The following ADGRB3 variants were observed in gnomAD, a reference collection of about 807,000 sequenced individuals.
ADGRB3 encodes brain-specific angiogenesis inhibitor 3.
ADGRB3 carries 37 observed loss-of-function variants against 193.4 expected under a neutral mutation model. The observed-to-expected ratio is 0.19, with a 90% confidence interval of 0.15 to 0.25. The LOEUF (loss-of-function observed/expected upper bound fraction) is 0.25. ADGRB3 is among the 10% of genes least tolerant of loss of function. ADGRB3 has a pLI of 1.00. For missense variants in ADGRB3, 1,637 were observed against 1,852.9 expected, an observed-to-expected ratio of 0.88 and a Z score of 2.14; for synonymous variants, 690 against 644.2, an observed-to-expected ratio of 1.07 and a Z score of -1.08.
chr6:68,880,110 C>T (rs1765694488), intron 3 of ADGRB3, among the ~76,000 whole-genome samples: 1 of 152,152 alleles, frequency 6.6e-6, no homozygotes, highest in Non-Finnish European at 1.5e-5. Context: ...GGAGAGATTA[C>T]TGAATCAGGA....
intron 3 of ADGRB3, among the ~76,000 whole-genome samples, chr6:68,767,689 A>C (rs1766536379): frequency 1.3e-5 from 2 of 152,162 alleles, no homozygotes; most frequent in Non-Finnish European, 1.5e-5. Context: ...AGTTCCGACC[A>C]GGGCAATCAG....
intron 20 of ADGRB3, among the ~76,000 whole-genome samples, chr6:69,256,884 A>G (rs1766786894): frequency 2.0e-5 from 3 of 152,152 alleles, no homozygotes; most frequent in Admixed American, 2.0e-4. Flanking sequence ...TCCCATCAAT[A>G]CCTAATTTAT....
intron 20 of ADGRB3, among the ~76,000 whole-genome samples, chr6:69,241,861 TA>T (rs970183485): frequency 7.2e-5 from 11 of 151,894 alleles, no homozygotes; most frequent in Non-Finnish European, 1.5e-4. Context: ...TGGTAAGTGG[TA>T]GTATTGATGA....
intron 3 of ADGRB3, among the ~76,000 whole-genome samples, chr6:68,878,328 A>G (rs910309406): frequency 6.6e-6 from 1 of 152,122 alleles, no homozygotes; most frequent in Non-Finnish European, 1.5e-5. Context: ...GCTGATCCTA[A>G]AGACTAATGT....
intron 3 of ADGRB3, among the ~76,000 whole-genome samples, chr6:68,913,468 C>A (rs1196612895): frequency 6.6e-6 from 1 of 152,200 alleles, no homozygotes; most frequent in Non-Finnish European, 1.5e-5. Context: ...TCCAACAGAC[C>A]TGCAGCTGAG....
At chr6:69,092,953 G>T (rs1462988681) in intron 17 of ADGRB3, among the ~76,000 whole-genome samples, 1 of 151,276 alleles carries the variant, frequency 6.6e-6, no homozygotes. Context: ...CGAGATTCAG[G>T]GGTAGAGCAG....
intron 3 of ADGRB3, among the ~76,000 whole-genome samples, chr6:68,648,469 T>G (rs1278769641): frequency 1.4e-5 from 2 of 142,652 alleles, no homozygotes; most frequent in African/African-American, 2.9e-5. Context: ...TGTGAGTTTT[T>G]TTGTTTTTTT....
intron 20 of ADGRB3, among the ~76,000 whole-genome samples, chr6:69,246,042 A>C (rs1455542386): frequency 6.6e-6 from 1 of 152,138 alleles, no homozygotes. Context: ...TTATTTTTCT[A>C]GGGCCTGTTT....
At chr6:69,173,131 G>A (rs936265277) in intron 17 of ADGRB3, among the ~76,000 whole-genome samples, 32 of 152,262 alleles carry the variant, frequency 2.1e-4, no homozygotes, top group African/African-American at 7.7e-4. Flanking sequence ...TCTGCCTCCC[G>A]GGTTCAAGTG....
At chr6:69,040,613 AGCAAAAG>A (rs1218916665) in intron 13 of ADGRB3, among the ~76,000 whole-genome samples, 1 of 136,562 alleles carries the variant, frequency 7.3e-6, no homozygotes, top group Non-Finnish European at 1.5e-5. Flanking sequence ...AGAGCCCTTG[AGCAAAAG>A]GCAAAAATGT....
chr6:68,692,542 G>C (rs562348826), intron 3 of ADGRB3, among the ~76,000 whole-genome samples: 10 of 151,616 alleles, frequency 6.6e-5, no homozygotes, highest in Admixed American at 6.6e-4. Context: ...TCTTCACCTT[G>C]GTTTAAAACA....
At chr6:69,356,123 C>T (rs1169111986) in intron 28 of ADGRB3, among the ~76,000 whole-genome samples, 1 of 152,052 alleles carries the variant, frequency 6.6e-6, no homozygotes, top group Non-Finnish European at 1.5e-5. Flanking sequence ...AGATAGATCC[C>T]CACACAGTTA....
At chr6:68,892,928 C>T (rs975776632) in intron 3 of ADGRB3, among the ~76,000 whole-genome samples, 2 of 151,990 alleles carry the variant, frequency 1.3e-5, no homozygotes, top group Non-Finnish European at 2.9e-5. Context: ...CAAGTAGAGT[C>T]CCCAGCCTCT....
chr6:68,940,841 G>A (rs1176389843), intron 5 of ADGRB3, among the ~76,000 whole-genome samples: 1 of 152,038 alleles, frequency 6.6e-6, no homozygotes, highest in African/African-American at 2.4e-5. Flanking sequence ...GCAGTGAGCC[G>A]AGATCGTGCC....
intron 31 of ADGRB3, among the ~76,000 whole-genome samples, chr6:69,386,075 T>G (rs547218347): frequency 6.6e-6 from 1 of 152,210 alleles, no homozygotes; most frequent in Admixed American, 6.6e-5. Context: ...TGGCTTGGGA[T>G]GCTAAAGATT....
chr6:69,232,327 T>C (rs1766160907), intron 17 of ADGRB3: 1 of 1,114,002 alleles, frequency 9.0e-7, no homozygotes, highest in Non-Finnish European at 1.2e-6. Flanking sequence ...GGTGGAAGGG[T>C]TCTCCCCCAT....
chr6:68,651,904 T>C (rs1768374930), intron 3 of ADGRB3, among the ~76,000 whole-genome samples: 1 of 152,174 alleles, frequency 6.6e-6, no homozygotes, highest in African/African-American at 2.4e-5. Flanking sequence ...TTCCTTCCAT[T>C]GAAAACTAAT....
At chr6:68,696,238 C>A (rs2802680) in intron 3 of ADGRB3, among the ~76,000 whole-genome samples, 56,631 of 151,576 alleles carry the variant, frequency 0.37, 11,260 homozygotes, top group East Asian at 0.59. Context: ...ATTATTGTGT[C>A]GCTGTGGAAT....
chr6:68,673,740 T>C (rs1395096522), intron 3 of ADGRB3, among the ~76,000 whole-genome samples: 1 of 152,136 alleles, frequency 6.6e-6, no homozygotes, highest in East Asian at 1.9e-4. Context: ...CCCTTATTTT[T>C]TGTTACCCAT....
Sources: gnomAD v4.1 joint callset for allele counts (sites outside exome capture counted in the v4.1 genomes callset) on GRCh38, gnomAD v4.1.1 for gene constraint, MANE v1.5 for transcripts, NCBI Gene and HGNC (gene_info 2026-07-23, HGNC 2026-07-21) for gene names.